The following GRIN2A variants were observed in gnomAD, a reference collection of about 807,000 sequenced individuals.
GRIN2A encodes the protein glutamate ionotropic receptor NMDA type subunit 2A, also known as glutamate receptor ionotropic, NMDA 2A.
Under a neutral mutation model 113.4 loss-of-function variants are expected in GRIN2A, and 22 were observed. The ratio of observed to expected loss-of-function variants is 0.19; its 90% CI spans 0.14 to 0.28. The LOEUF is 0.28. Among genes scored for constraint, GRIN2A ranks in the 10% least tolerant of loss-of-function variants. The pLI is 1.00. For synonymous variants in GRIN2A, 827 were observed against 738.4 expected (o/e 1.12, Z -1.94); for missense variants, 1,502 against 1,887.0 (o/e 0.80, Z 3.78).
At chr16:9,967,526 C>T (rs766247259) in intron 2 of GRIN2A, among the ~76,000 whole-genome samples, 3 of 152,074 alleles carry the variant, frequency 2.0e-5, no homozygotes, top group African/African-American at 2.4e-5. Context: ...GCTAACGTGG[C>T]GAAACCCGTG....
intron 2 of GRIN2A, among the ~76,000 whole-genome samples, chr16:9,978,595 C>G (rs1273566915): frequency 6.6e-6 from 1 of 152,006 alleles, no homozygotes; most frequent in East Asian, 1.9e-4. Flanking sequence ...AAGATCTTCC[C>G]TCTGTAAGAA....
At chr16:9,858,713 C>A (rs2043010632) in intron 4 of GRIN2A, among the ~76,000 whole-genome samples, 1 of 151,960 alleles carries the variant, frequency 6.6e-6, no homozygotes, top group South Asian at 2.1e-4. Context: ...TTTTAAAGGG[C>A]AGTGATTACT....
At chr16:9,781,402 C>T (rs1901927491) in intron 11 of GRIN2A, among the ~76,000 whole-genome samples, 1 of 152,100 alleles carries the variant, frequency 6.6e-6, no homozygotes, top group South Asian at 2.1e-4. Flanking sequence ...GTTCTGTCAC[C>T]CATGCTGGAG....
chr16:10,124,493 C>G (rs979820677), intron 2 of GRIN2A, among the ~76,000 whole-genome samples: 1 of 152,100 alleles, frequency 6.6e-6, no homozygotes, highest in Non-Finnish European at 1.5e-5. Flanking sequence ...TTTATCCGGG[C>G]AAGCGGAAAA....
chr16:10,061,252 C>G (rs1468173914), intron 2 of GRIN2A, among the ~76,000 whole-genome samples: 1 of 152,144 alleles, frequency 6.6e-6, no homozygotes, highest in Non-Finnish European at 1.5e-5. Context: ...AAGAGTACAA[C>G]AGAAATACAG....
chr16:9,950,364 C>T (rs529432197), intron 2 of GRIN2A, among the ~76,000 whole-genome samples: 13 of 152,136 alleles, frequency 8.5e-5, no homozygotes, highest in Admixed American at 5.9e-4. Context: ...CCCTAGGGAG[C>T]CCTTGGACCT....
At chr16:9,970,777 G>A in intron 2 of GRIN2A, 2 of 943,064 alleles carry the variant, frequency 2.1e-6, no homozygotes, top group Non-Finnish European at 2.5e-6. Flanking sequence ...ACTCTCAACA[G>A]GAGAAATATT....
At chr16:9,884,959 C>T (rs1470469802) in intron 4 of GRIN2A, among the ~76,000 whole-genome samples, 1 of 151,398 alleles carries the variant, frequency 6.6e-6, no homozygotes, top group African/African-American at 2.4e-5. Context: ...GGATGGTCTC[C>T]ATCTCCTGAC....
At chr16:9,956,599 CA>C (rs1044849380) in intron 2 of GRIN2A, among the ~76,000 whole-genome samples, 25 of 152,118 alleles carry the variant, frequency 1.6e-4, no homozygotes, top group Non-Finnish European at 2.9e-4. Flanking sequence ...CAGTAGTGAA[CA>C]AAAACAGCCA....
At chr16:10,115,263 A>G (rs2048708943) in intron 2 of GRIN2A, among the ~76,000 whole-genome samples, 1 of 151,316 alleles carries the variant, frequency 6.6e-6, no homozygotes, top group Non-Finnish European at 1.5e-5. Context: ...TAATTTCCTT[A>G]TGGTTTCAAA....
chr16:10,114,010 G>A (rs1002504492), intron 2 of GRIN2A, among the ~76,000 whole-genome samples: 67 of 150,378 alleles, frequency 4.5e-4, no homozygotes, highest in African/African-American at 1.6e-3. Flanking sequence ...AAAGACCCTC[G>A]TTCTTAAAAA....
chr16:10,128,223 T>G (rs2048986579), intron 2 of GRIN2A, among the ~76,000 whole-genome samples: 1 of 152,216 alleles, frequency 6.6e-6, no homozygotes, highest in Non-Finnish European at 1.5e-5. Flanking sequence ...TTGGCTGATT[T>G]TAGTCTGTAT....
At chr16:9,877,825 C>G (rs1419586236) in intron 4 of GRIN2A, among the ~76,000 whole-genome samples, 1 of 111,018 alleles carries the variant, frequency 9.0e-6, no homozygotes, top group African/African-American at 4.0e-5. Flanking sequence ...CCCCATCCCC[C>G]CTCCCTGTCC....
chr16:10,109,413 T>G (rs765648042), intron 2 of GRIN2A, among the ~76,000 whole-genome samples: 1 of 151,948 alleles, frequency 6.6e-6, no homozygotes, highest in Non-Finnish European at 1.5e-5. Flanking sequence ...ACTTCCCAAT[T>G]CATGTTATGA....
At chr16:10,179,115 CCTT>C (rs1321211127) in intron 2 of GRIN2A, among the ~76,000 whole-genome samples, 1 of 152,184 alleles carries the variant, frequency 6.6e-6, no homozygotes, top group Non-Finnish European at 1.5e-5. Flanking sequence ...AATCTCTCTC[CCTT>C]CTTCTCCAAA....
At chr16:10,112,351 T>C in intron 2 of GRIN2A, 1 of 657,308 alleles carries the variant, frequency 1.5e-6, no homozygotes, top group Non-Finnish European at 2.8e-6. Flanking sequence ...CATGTAGTTA[T>C]GGGCTGCAGC....
intron 2 of GRIN2A, among the ~76,000 whole-genome samples, chr16:10,047,053 G>T (rs940975648): frequency 1.3e-5 from 2 of 152,160 alleles, no homozygotes; most frequent in Non-Finnish European, 2.9e-5. Flanking sequence ...CTTCACTCAT[G>T]ACAACCAAAG....
In GRIN2A at chr16:10,129,733, AG is replaced by A. The variant is rs2049023768; in HGVS notation, c.414+50264del. On this transcript the variant is annotated intron_variant, in intron 2 of 12. Transcript: ENST00000330684. ...ACAGCAAGCAATTGATTTTAATTCTAGGTAAAATGGAAAGCTGGAGGAAGAT... is the reference window on the plus strand; with the variant it reads ...ACAGCAAGCAATTGATTTTAATTCTAGTAAAATGGAAAGCTGGAGGAAGAT... Among the ~76,000 whole-genome samples, 3 of 152,364 alleles carry A rather than the reference AG, an allele frequency of 2.0e-5. No individual in the cohort carries two copies. The South Asian group carries it at 6.2e-4, about 32-fold the overall frequency.
chr16:9,918,858 A>T (rs180994437), intron 3 of GRIN2A, among the ~76,000 whole-genome samples: 20 of 151,874 alleles, frequency 1.3e-4, no homozygotes, highest in Non-Finnish European at 1.6e-4. Flanking sequence ...AAATTAAACC[A>T]CTACGGGCGT....
Sources: allele counts gnomAD v4.1 joint callset (sites outside exome capture counted in the v4.1 genomes callset), GRCh38; gene constraint gnomAD v4.1.1; transcripts MANE v1.5; gene names NCBI Gene and HGNC (gene_info 2026-07-23, HGNC 2026-07-21).